The following RPS19 variants were observed in gnomAD, a reference collection of about 807,000 sequenced individuals.
RPS19 encodes small ribosomal subunit protein eS19.
Under a neutral mutation model 20.3 loss-of-function variants are expected in RPS19, and 1 was observed. The ratio of observed to expected loss-of-function variants is 0.05; its 90% confidence interval spans 0.02 to 0.23. The LOEUF (loss-of-function observed/expected upper bound fraction) is 0.23, where lower values mean the gene tolerates loss of function less well. Ranked by LOEUF, RPS19 falls within the 10% of genes least tolerant of loss-of-function variation. RPS19 has a pLI of 1.00. For missense variants in RPS19, 111 were observed against 192.7 expected (o/e 0.58, Z 2.51); for synonymous variants, 87 against 74.8 (o/e 1.16, Z -0.84).
chr19:41,865,604 G>A (rs2074077007), intron 3 of RPS19, among the ~76,000 whole-genome samples: 1 of 152,128 alleles, frequency 6.6e-6, no homozygotes, highest in African/African-American at 2.4e-5. Flanking sequence ...CTGGTGTACA[G>A]CCGCTTTGGG....
intron 1 of RPS19, 152 bp downstream of exon 1, chr19:41,860,441 G>T (rs1555838928): frequency 5.8e-6 from 2 of 345,094 alleles, no homozygotes; most frequent in East Asian, 7.2e-5. Flanking sequence ...GCCCGGACAT[G>T]CCCGGTCAGC....
intron 3 of RPS19, among the ~76,000 whole-genome samples, chr19:41,861,842 C>T (rs1190301251): frequency 5.3e-5 from 8 of 152,206 alleles, no homozygotes; most frequent in African/African-American, 1.9e-4. Context: ...CTTATGGACA[C>T]CCTGCAACCT....
chr19:41,870,328 C>T (rs894919790), intron 5 of RPS19, among the ~76,000 whole-genome samples: 2 of 152,124 alleles, frequency 1.3e-5, no homozygotes, highest in African/African-American at 2.4e-5. Context: ...GTAGATGACT[C>T]CCCCTCCCCA....
At chr19:41,870,749 G>C (rs1432263840) in intron 5 of RPS19, among the ~76,000 whole-genome samples, 5 of 151,784 alleles carry the variant, frequency 3.3e-5, no homozygotes, top group African/African-American at 1.2e-4. Flanking sequence ...GCTCTTCCAG[G>C]CAGAGTGGGG....
chr19:41,860,743 C>T (rs373298490), intron 1 of RPS19, 32 bp from the exon 2 acceptor site: 6 of 1,542,520 alleles, frequency 3.9e-6, no homozygotes, highest in African/African-American at 2.7e-5. Flanking sequence ...CTCTGCCAGG[C>T]CTGTGTTCAC....
intron 4 of RPS19, 69 bp from the exon 5 acceptor site, chr19:41,869,630 C>T: frequency 1.9e-6 from 3 of 1,553,266 alleles, no homozygotes; most frequent in South Asian, 2.2e-5. Context: ...TGGCTCACAG[C>T]CAGGAGGGAA....
At chr19:41,870,845 CTTCCTTTTTTTTTTTT>C (rs2074139728) in intron 5 of RPS19, among the ~76,000 whole-genome samples, 1 of 112,856 alleles carries the variant, frequency 8.9e-6, no homozygotes, top group African/African-American at 3.3e-5. Flanking sequence ...CCGCCACTCC[CTTCCTTTTTTTTTTTT>C]TTTTTTTTTT....
In RPS19 at chr19:41,860,765, TCTCC is replaced by T; in HGVS notation, c.1-6_1-3del. On this transcript the variant is annotated splice_polypyrimidine_tract_variant and splice_region_variant and intron_variant, in intron 1 of 5. Coordinates refer to ENST00000598742, the MANE Select transcript of RPS19 (RefSeq NM_001022.4). ...AGGCCTGTGTTCACATGCTTGACTT[TCTCC>T]CTCAGATGCCTGGAGTTACTGTAAA... is the stretch of plus-strand genomic sequence containing the variant. 5 of 1,610,876 alleles carry T rather than the reference TCTCC, an allele frequency of 3.1e-6. No individual in the cohort carries two copies. Among genetic ancestry groups the T allele is most frequent in the Non-Finnish European group, 3.4e-6 (4 of 1,177,036 alleles).
chr19:41,863,234 A>G (rs1555839716), intron 3 of RPS19, among the ~76,000 whole-genome samples: 2 of 152,144 alleles, frequency 1.3e-5, no homozygotes, highest in African/African-American at 2.4e-5. Context: ...TGAACTCCCA[A>G]GCTCAAGCGG....
chr19:41,865,949 TAAAAAAA>T (rs35155067), intron 3 of RPS19, among the ~76,000 whole-genome samples: 21 of 74,506 alleles, frequency 2.8e-4, no homozygotes, highest in Admixed American at 9.1e-4. Context: ...ACTCCGTCTT[TAAAAAAA>T]AAAAAAAAAA....
In RPS19 at chr19:41,871,441, G is replaced by T; in HGVS notation, c.*64G>T. 6.9e-7 allele frequency: 1 copy of T among 1,459,760 alleles called. No individual in the cohort carries two copies. The highest frequency in any genetic ancestry group is 9.6e-7 in the Non-Finnish European group (1 of 1,041,404). The allele number at this position is 1,459,760 out of a possible 1,614,324, so 90.4% of individuals were successfully genotyped here. A position where few individuals can be genotyped will look rare whatever the true frequency, so the allele number is the denominator to read the frequency against. ...ATCCTGGTCTGGGTCTCTTTTTTGA[G>T]TCTCTTGCTCTGTCGCCCAGGCTGG... is the stretch of plus-strand genomic sequence containing the variant. On this transcript the variant is annotated 3_prime_UTR_variant, in exon 6 of 6. Transcript: ENST00000598742.
At chr19:41,870,848 CCT>C (rs1491318925) in intron 5 of RPS19, among the ~76,000 whole-genome samples, 5,672 of 85,610 alleles carry the variant, frequency 0.066, 1,146 homozygotes, top group East Asian at 0.11. Flanking sequence ...CCACTCCCTT[CCT>C]TTTTTTTTTT....
chr19:41,865,733 G>A (rs199895754), intron 3 of RPS19, among the ~76,000 whole-genome samples: 1 of 151,654 alleles, frequency 6.6e-6, no homozygotes, highest in African/African-American at 2.4e-5. Context: ...CGGATCATGA[G>A]GTCAAGAGAT....
chr19:41,865,587 C>T (rs2074076684), intron 3 of RPS19, among the ~76,000 whole-genome samples: 1 of 152,118 alleles, frequency 6.6e-6, no homozygotes, highest in Admixed American at 6.6e-5. Context: ...GGTTGAGTGT[C>T]CCATTTCTGG....
intron 3 of RPS19, among the ~76,000 whole-genome samples, chr19:41,866,398 G>A (rs2074090317): frequency 6.6e-6 from 1 of 152,254 alleles, no homozygotes; most frequent in Admixed American, 6.5e-5. Flanking sequence ...AGCAGCTGCT[G>A]GGTATTTGAG....
intron 5 of RPS19, among the ~76,000 whole-genome samples, chr19:41,870,334 C>T (rs2074133931): frequency 1.3e-5 from 2 of 152,172 alleles, no homozygotes; most frequent in Non-Finnish European, 2.9e-5. Context: ...GACTCCCCCT[C>T]CCCAGGTCAG....
chr19:41,860,921 C>A, intron 2 of RPS19, 76 bp downstream of exon 2: 1 of 1,371,428 alleles, frequency 7.3e-7, no homozygotes, highest in Non-Finnish European at 1.0e-6. Flanking sequence ...CAGTGTTTGC[C>A]GGTCCCTGGC....
chr19:41,860,472 G>C, intron 1 of RPS19, 183 bp downstream of exon 1: 1 of 441,834 alleles, frequency 2.3e-6, no homozygotes, highest in Non-Finnish European at 4.2e-6. Context: ...AACCGAGCGT[G>C]GGCCCCGGGG....
intron 5 of RPS19, among the ~76,000 whole-genome samples, chr19:41,870,849 CTTTTTTTTTTTTTTTTTTT>C (rs35987051): frequency 4.5e-5 from 2 of 43,964 alleles, no homozygotes; most frequent in Non-Finnish European, 8.6e-5. Flanking sequence ...CACTCCCTTC[CTTTTTTTTTTTTTTTTTTT>C]TTTTTTTTTT....
Sources: allele counts gnomAD v4.1 joint callset (sites outside exome capture counted in the v4.1 genomes callset), GRCh38; gene constraint gnomAD v4.1.1; transcripts MANE v1.5; gene names NCBI Gene and HGNC (gene_info 2026-07-23, HGNC 2026-07-21).